The following TBC1D5 variants were observed in gnomAD, a reference collection of about 807,000 sequenced individuals.
The protein encoded by TBC1D5 is TBC1 domain family member 5.
A neutral mutation model predicts 100.3 loss-of-function variants in TBC1D5; 75 were observed. The observed-to-expected ratio is 0.75, with a 90% CI of 0.62 to 0.91. The LOEUF (loss-of-function observed/expected upper bound fraction) is 0.91. Among genes scored for constraint, TBC1D5 ranks in the 40% least tolerant of loss-of-function variants. TBC1D5 has a pLI of 0.00. For missense variants in TBC1D5, 910 were observed against 942.4 expected, an observed-to-expected ratio of 0.97 and a Z score of 0.45; for synonymous variants, 323 against 325.6, an observed-to-expected ratio of 0.99 and a Z score of 0.09.
At chr3:17,458,233 C>A (rs1259071086) in intron 3 of TBC1D5, among the ~76,000 whole-genome samples, 1 of 152,124 alleles carries the variant, frequency 6.6e-6, no homozygotes, top group Non-Finnish European at 1.5e-5. Flanking sequence ...TATTCCTACC[C>A]CTTCCTCAGG....
At chr3:17,598,339 T>C (rs888625619) in intron 2 of TBC1D5, among the ~76,000 whole-genome samples, 2 of 152,240 alleles carry the variant, frequency 1.3e-5, no homozygotes, top group African/African-American at 4.8e-5. Flanking sequence ...CTTGTAAGTA[T>C]GTCCTTGGAA....
At chr3:17,326,632 G>C (rs1035009239) in intron 13 of TBC1D5, among the ~76,000 whole-genome samples, 1 of 151,998 alleles carries the variant, frequency 6.6e-6, no homozygotes, top group Non-Finnish European at 1.5e-5. Context: ...ACCACGCCCT[G>C]CTAATTTTAA....
rs751442681 is a variant in TBC1D5, at chr3:17,292,020, T to C, written c.1139-19A>G. On this transcript the variant is annotated intron_variant, in intron 14 of 21. Transcript: ENST00000253692. ...GAGATCACTAAATAAGAAGAAAAAA[T>C]AATTCAGATGCAATACTATTTAAGA... is the stretch of plus-strand genomic sequence containing the variant. 1.7e-5 allele frequency: 27 copies of C among 1,583,590 alleles called. No homozygotes were observed. In the East Asian group the frequency reaches 5.8e-4, roughly 34 times the overall value.
chr3:17,465,588 A>T (rs1394367475), intron 3 of TBC1D5: 1 of 152,264 alleles, frequency 6.6e-6, no homozygotes, highest in African/African-American at 2.4e-5. Flanking sequence ...ATCACACCTC[A>T]TCCTCAGAAA....
At chr3:17,664,214 C>A (rs921908067) in intron 1 of TBC1D5, among the ~76,000 whole-genome samples, 2 of 152,080 alleles carry the variant, frequency 1.3e-5, no homozygotes, top group African/African-American at 2.4e-5. Context: ...GGATTACAGG[C>A]ACACACCACC....
chr3:17,338,481 T>A (rs766373188), intron 13 of TBC1D5: 11 of 152,324 alleles, frequency 7.2e-5, no homozygotes, highest in Admixed American at 2.6e-4. Flanking sequence ...AATCTTCTCT[T>A]TCCTCACTGG....
At chr3:17,717,050 T>A (rs2075298187) in intron 1 of TBC1D5, among the ~76,000 whole-genome samples, 1 of 152,096 alleles carries the variant, frequency 6.6e-6, no homozygotes, top group Non-Finnish European at 1.5e-5. Context: ...TGTAAAACTC[T>A]CAGAGGAAAT....
chr3:17,488,829 G>A (rs77874994), intron 3 of TBC1D5, among the ~76,000 whole-genome samples: 3,801 of 151,832 alleles, frequency 0.025, 69 homozygotes, highest in South Asian at 0.06. Context: ...AGTGGTGGGC[G>A]AGCATGCATT....
chr3:17,546,065 G>A (rs775442212), intron 2 of TBC1D5, among the ~76,000 whole-genome samples: 1 of 152,194 alleles, frequency 6.6e-6, no homozygotes, highest in African/African-American at 2.4e-5. Context: ...AACAAAAAGA[G>A]TAACAATATC....
intron 18 of TBC1D5, 103 bp downstream of exon 19, chr3:17,214,104 T>C (rs1054971656): frequency 4.1e-6 from 5 of 1,209,080 alleles, no homozygotes; most frequent in South Asian, 1.9e-5. Flanking sequence ...TCCATAAAAG[T>C]TTTAAGAGCT....
chr3:17,677,037 T>G (rs143322683), intron 1 of TBC1D5, among the ~76,000 whole-genome samples: 1 of 151,826 alleles, frequency 6.6e-6, no homozygotes, highest in Non-Finnish European at 1.5e-5. Context: ...TAGACCTAAA[T>G]CCATAAAAAC....
intron 16 of TBC1D5, among the ~76,000 whole-genome samples, chr3:17,246,513 TCA>T (rs2076749623): frequency 6.6e-6 from 1 of 152,152 alleles, no homozygotes; most frequent in Non-Finnish European, 1.5e-5. Flanking sequence ...CTACTTAAAA[TCA>T]AGACTTGCTA....
chr3:17,596,132 G>A (rs895486765), intron 2 of TBC1D5, among the ~76,000 whole-genome samples: 1 of 152,054 alleles, frequency 6.6e-6, no homozygotes, highest in Non-Finnish European at 1.5e-5. Flanking sequence ...AAAAAAAGGG[G>A]TTCCATCAGA....
At position 17,404,218 on chromosome 3, in the gene TBC1D5, G is replaced by C. The variant is rs533172116; in HGVS notation, c.441+476C>G. Among the ~76,000 whole-genome samples, 4 of 152,146 alleles carry C rather than the reference G, an allele frequency of 2.6e-5. No individual in the cohort carries two copies. The East Asian group carries it at 7.7e-4, about 29-fold the overall frequency. ...TTTAAAGTTACATAATATCTTTAAA[G>C]TAGTAATCCTTGTCTTCACTGGAAT... is the stretch of plus-strand genomic sequence containing the variant. On this transcript the variant is annotated intron_variant, in intron 7 of 21. Coordinates refer to ENST00000253692, the Ensembl canonical transcript of TBC1D5.
At chr3:17,409,996 A>T (rs527458291) in intron 4 of TBC1D5, among the ~76,000 whole-genome samples, 2 of 152,300 alleles carry the variant, frequency 1.3e-5, no homozygotes, top group East Asian at 3.9e-4. Flanking sequence ...TGTAGACATA[A>T]CAACCTTCTA....
chr3:17,731,565 A>G (rs2076561056), intron 1 of TBC1D5, among the ~76,000 whole-genome samples: 1 of 151,758 alleles, frequency 6.6e-6, no homozygotes, highest in Non-Finnish European at 1.5e-5. Context: ...GGAGAATATC[A>G]GGTTTTAAGC....
intron 2 of TBC1D5, among the ~76,000 whole-genome samples, chr3:17,585,136 C>T (rs1055462005): frequency 5.9e-5 from 9 of 151,962 alleles, no homozygotes; most frequent in African/African-American, 1.7e-4. Flanking sequence ...TCTGTATTTA[C>T]GAAACTTTCT....
At chr3:17,157,236 T>G (rs1244831954) in exon 22 of TBC1D5, 1 of 152,266 alleles carries the variant, frequency 6.6e-6, no homozygotes, top group Non-Finnish European at 1.5e-5. Context: ...AATCATTTCT[T>G]AAATCAGTAT....
chr3:17,704,195 C>A (rs1188122257), intron 1 of TBC1D5, among the ~76,000 whole-genome samples: 10 of 136,292 alleles, frequency 7.3e-5, no homozygotes, highest in Non-Finnish European at 3.1e-5. Context: ...CCATTTAACC[C>A]TGAGTGGACA....
Sources: allele counts gnomAD v4.1 joint callset (sites outside exome capture counted in the v4.1 genomes callset), GRCh38; gene constraint gnomAD v4.1.1; transcripts MANE v1.5; gene names NCBI Gene and HGNC (gene_info 2026-07-23, HGNC 2026-07-21).